Variants in LPIN1 observed in about 807,000 individuals in gnomAD.
The protein encoded by LPIN1 is lipin 1, also known as phosphatidate phosphatase LPIN1.
LPIN1 carries 71 observed loss-of-function variants against 107.5 expected under a neutral mutation model. The ratio of observed to expected loss-of-function variants is 0.66; its 90% CI spans 0.55 to 0.80. The LOEUF (loss-of-function observed/expected upper bound fraction) is 0.80, where lower values mean the gene tolerates loss of function less well. LPIN1 is among the 30% of genes least tolerant of loss of function. The pLI is 0.00. For missense variants in LPIN1, 1,043 were observed against 1,160.6 expected, an observed-to-expected ratio of 0.90 and a Z score of 1.47; for synonymous variants, 445 against 452.6, an observed-to-expected ratio of 0.98 and a Z score of 0.21.
At chr2:11,732,903 C>CTGTGTG (rs1279943760) in intron 1 of LPIN1, among the ~76,000 whole-genome samples, 18 of 145,164 alleles carry the variant, frequency 1.2e-4, no homozygotes, top group African/African-American at 5.1e-4. Flanking sequence ...TTCTCTCTCT[C>CTGTGTG]TCTCTCTCTG....
chr2:11,714,659 G>A (rs545502217), intron 2 of LPIN1, among the ~76,000 whole-genome samples: 124 of 152,346 alleles, frequency 8.1e-4, no homozygotes, highest in African/African-American at 3.0e-3. Context: ...GAAGAGGCTG[G>A]AGGCAGCGTG....
At position 11,765,819 on chromosome 2, in the gene LPIN1, T is replaced by C. The variant is rs576056569; in HGVS notation, c.192+86T>C. 1.6e-5 allele frequency: 20 copies of C among 1,227,634 alleles called. No homozygotes were observed. In the East Asian group the frequency reaches 4.8e-4, roughly 29 times the overall value. 76.0% of individuals were successfully genotyped at this position (1,227,634 alleles called of 1,614,324 possible). A position where few individuals can be genotyped will look rare whatever the true frequency, so the allele number is the denominator to read the frequency against. On this transcript the variant is annotated intron_variant, in intron 2 of 20. Coordinates refer to ENST00000674199, the MANE Select transcript of LPIN1 (RefSeq NM_001349206.2). The surrounding 1 kb of genome is among the most constrained non-coding windows in gnomAD (Gnocchi z 4.4). ...TGGTGATGCCACCTGTCTTGAACTC[T>C]CAGACCCAGAGTTTTAGGTCTTCGT... is the stretch of plus-strand genomic sequence containing the variant.
chr2:11,741,395 C>G, exon 2 of LPIN1: 2 of 1,550,484 alleles, frequency 1.3e-6, no homozygotes, highest in Non-Finnish European at 1.7e-6. Flanking sequence ...ACCTGCTTAA[C>G]AGAAGACAAC....
intron 13 of LPIN1, among the ~76,000 whole-genome samples, chr2:11,792,810 C>T (rs190423976): frequency 5.3e-5 from 8 of 152,270 alleles, no homozygotes; most frequent in Admixed American, 4.6e-4. Flanking sequence ...TGATTTCTTT[C>T]AGATCTTCGT....
At chr2:11,698,389 G>C (rs1662693785) in intron 1 of LPIN1, among the ~76,000 whole-genome samples, 2 of 152,186 alleles carry the variant, frequency 1.3e-5, no homozygotes, top group Admixed American at 1.3e-4. Context: ...TCTGTGACTG[G>C]CTGCCACGTC....
Position 11,805,099 on chromosome 2 carries a change from C to G in LPIN1, c.2192C>G (p.Thr731Ser). Reference sequence around the variant, plus strand: ...GATACTCTTGGCCACATTTTGCCCACCCTTGGGAAGGATTGGACCCATCAG... The same window carrying G: ...GATACTCTTGGCCACATTTTGCCCAGCCTTGGGAAGGATTGGACCCATCAG... Reference protein sequence around the residue: ...RSDTLGHILPTLGKDWTHQGI... With the variant: ...RSDTLGHILPSLGKDWTHQGI... Residue 731 changes from threonine to serine, a missense_variant, in exon 17 of 21, where the codon ACC (threonine) becomes AGC (serine). Physicochemically the swap from Thr to Ser is moderately conservative, Grantham distance 58. Coordinates refer to ENST00000674199, the MANE Select transcript of LPIN1 (RefSeq NM_001349206.2). The G allele has an allele frequency of 6.2e-7, 1 of 1,613,832 alleles. No homozygotes were observed. Among genetic ancestry groups the G allele is most frequent in the Non-Finnish European group, 8.5e-7 (1 of 1,179,794 alleles).
At chr2:11,750,117 G>A (rs964176158) in intron 1 of LPIN1, among the ~76,000 whole-genome samples, 18 of 151,046 alleles carry the variant, frequency 1.2e-4, no homozygotes, top group African/African-American at 4.2e-4. Context: ...GGAAGCCCTC[G>A]CACCTCTCCC....
At chr2:11,738,285 G>A (rs948037701) in intron 1 of LPIN1, among the ~76,000 whole-genome samples, 5 of 151,406 alleles carry the variant, frequency 3.3e-5, no homozygotes, top group African/African-American at 1.2e-4. Context: ...ACCTAATGTA[G>A]ATGATGAGTT....
At chr2:11,702,764 C>G (rs931163386) in intron 1 of LPIN1, among the ~76,000 whole-genome samples, 15 of 152,180 alleles carry the variant, frequency 9.9e-5, no homozygotes, top group Non-Finnish European at 2.9e-5. Context: ...CTCTGCTTCT[C>G]TGTCTCTCTC....
At chr2:11,785,716 G>A (rs557902668) in intron 10 of LPIN1, among the ~76,000 whole-genome samples, 2 of 152,102 alleles carry the variant, frequency 1.3e-5, no homozygotes, top group Admixed American at 1.3e-4. Flanking sequence ...AAGGGGCCGA[G>A]GCTGTGTACT....
At chr2:11,721,263 CGTGTGTGTGTGT>C (rs5829326), upstream of LPIN1, among the ~76,000 whole-genome samples, 27 of 129,884 alleles carry the variant, frequency 2.1e-4, no homozygotes, top group African/African-American at 4.0e-4. Context: ...GTACTGCATG[CGTGTGTGTGTGT>C]GTGTGTGTGT....
chr2:11,765,597 A>G lies in LPIN1; in HGVS notation c.56A>G (p.Tyr19Cys). ...GQVFVTVKEL[Y>C]KGLNPATLSG... Reference sequence around the variant, plus strand: ...GTGTTTGTCACCGTGAAGGAGCTCTACAAGGGGCTGAATCCCGCCACACTC... The same window carrying G: ...GTGTTTGTCACCGTGAAGGAGCTCTGCAAGGGGCTGAATCCCGCCACACTC... The change falls in exon 2 of 21, where the codon TAC becomes TGC. Residue 19 changes from tyrosine to cysteine, a missense_variant. By Grantham distance (194) the Tyr-to-Cys change is radical. Coordinates refer to ENST00000674199, the MANE Select transcript of LPIN1 (RefSeq NM_001349206.2). The surrounding 1 kb of genome is among the most constrained non-coding windows in gnomAD (Gnocchi z 4.4). The G allele has an allele frequency of 1.9e-6, 3 of 1,614,114 alleles. No individual in the cohort carries two copies. The highest frequency in any genetic ancestry group is 2.2e-5 in the South Asian group (2 of 91,082).
In LPIN1 at chr2:11,707,311, A is replaced by C. The variant is rs1048620425; in HGVS notation, c.82-6445A>C. Reference sequence around the variant, plus strand: ...AACAGAGACCAGCATGAAGTGAGAGAAGGAGGCTTAGGGAGAATCTGCCAG... The same window carrying C: ...AACAGAGACCAGCATGAAGTGAGAGCAGGAGGCTTAGGGAGAATCTGCCAG... On this transcript the variant is annotated intron_variant, in intron 1 of 21. Transcript: ENST00000449576. The surrounding 1 kb of genome is among the most constrained non-coding windows in gnomAD (Gnocchi z 4.2). 6.6e-6 allele frequency among the ~76,000 whole-genome samples: 1 copy of C among 152,146 alleles called. No individual in the cohort carries two copies. The highest frequency in any genetic ancestry group is 1.5e-5 in the Non-Finnish European group (1 of 68,022).
intron 1 of LPIN1, among the ~76,000 whole-genome samples, chr2:11,726,864 T>G (rs555737241): frequency 2.0e-5 from 3 of 152,326 alleles, no homozygotes; most frequent in East Asian, 1.9e-4. Flanking sequence ...TTGACACTTT[T>G]GAAGCGTGCT....
chr2:11,724,995 G>A (rs538260607), intron 1 of LPIN1, among the ~76,000 whole-genome samples: 134 of 152,290 alleles, frequency 8.8e-4, no homozygotes, highest in Middle Eastern at 6.8e-3. Flanking sequence ...GGGCGCGGTG[G>A]CTCACACCTG....
At chr2:11,682,256 A>G (rs1037911036) in intron 1 of LPIN1, 1 of 152,326 alleles carries the variant, frequency 6.6e-6, no homozygotes, top group African/African-American at 2.4e-5. Flanking sequence ...ATAGGAAACC[A>G]CCTGGAAACC....
intron 7 of LPIN1, 21 bp from the exon 8 acceptor site, chr2:11,782,180 C>A: frequency 6.3e-7 from 1 of 1,587,236 alleles, no homozygotes; most frequent in South Asian, 1.1e-5. Context: ...TCTCTCTGTC[C>A]CTCTCTCCTC....
At position 11,792,096 on chromosome 2, in the gene LPIN1, T is replaced by C. The variant is rs1189045900; in HGVS notation, c.1806+90T>C. The C allele has an allele frequency of 3.6e-6, 4 of 1,099,898 alleles. No homozygotes were observed. The African/African-American group carries it at 6.2e-5, about 17-fold the overall frequency. 68.1% of individuals were successfully genotyped at this position (1,099,898 alleles called of 1,614,324 possible). A position where few individuals can be genotyped will look rare whatever the true frequency, so the allele number is the denominator to read the frequency against. On this transcript the variant is annotated intron_variant, in intron 13 of 20. Coordinates refer to ENST00000674199, the MANE Select transcript of LPIN1 (RefSeq NM_001349206.2). ...TTTTCATGTACTTACATCAGAGAAA[T>C]GAAGATAGGCCCTAGTGCTGAGTTT...
At chr2:11,701,948 C>CT (rs1203708981) in intron 1 of LPIN1, among the ~76,000 whole-genome samples, 2 of 152,226 alleles carry the variant, frequency 1.3e-5, no homozygotes, top group Non-Finnish European at 2.9e-5. Context: ...CGTATGTCAA[C>CT]TTTCTGACGT....
Sources: gnomAD v4.1 joint callset for allele counts (sites outside exome capture counted in the v4.1 genomes callset) on GRCh38, gnomAD v4.1.1 for gene constraint, Gnocchi (gnomAD v3.1) non-coding constraint, MANE v1.5 for transcripts, NCBI Gene and HGNC (gene_info 2026-07-23, HGNC 2026-07-21) for gene names.